The following SENP6 variants were observed in gnomAD, a reference collection of about 807,000 sequenced individuals.
SENP6 encodes the protein SUMO specific peptidase 6.
SENP6 carries 41 observed loss-of-function variants against 134.5 expected under a neutral mutation model. The ratio of observed to expected loss-of-function variants is 0.30; its 90% CI spans 0.24 to 0.40. The LOEUF (loss-of-function observed/expected upper bound fraction) is 0.40. SENP6 is among the 10% of genes least tolerant of loss of function. The pLI is 1.00. For missense variants in SENP6, 1,248 were observed against 1,312.5 expected (o/e 0.95, Z 0.76); for synonymous variants, 395 against 429.8 (o/e 0.92, Z 1.00).
chr6:75,684,884 C>G (rs1001790656), intron 16 of SENP6, among the ~76,000 whole-genome samples: 1 of 152,108 alleles, frequency 6.6e-6, no homozygotes, highest in Non-Finnish European at 1.5e-5. Context: ...GTCTCCCAGG[C>G]TTTGGTATCA....
intron 1 of SENP6, among the ~76,000 whole-genome samples, chr6:75,618,809 A>G (rs1768043790): frequency 6.6e-6 from 1 of 152,108 alleles, no homozygotes; most frequent in African/African-American, 2.4e-5. Flanking sequence ...ACAGGGAGAA[A>G]CCTTGTTTCC....
chr6:75,674,137 A>G (rs970714257), intron 11 of SENP6, among the ~76,000 whole-genome samples: 4 of 150,176 alleles, frequency 2.7e-5, no homozygotes, highest in Non-Finnish European at 5.9e-5. Flanking sequence ...AATGTTTCGC[A>G]AGCTACTCCT....
chr6:75,665,478 T>G lies in SENP6; in HGVS notation c.995-1234T>G, dbSNP rs1772130603. Among the ~76,000 whole-genome samples, 3 of 152,130 alleles carry G rather than the reference T, an allele frequency of 2.0e-5. 1 individual carries two copies. Among genetic ancestry groups the G allele is most frequent in the South Asian group, 4.1e-4 (2 of 4,822 alleles). ...TTGGATAAATAGGCAGGGGCCAGAT[T>G]ATGTAAATTTACAAACCATAGCAAG... is the stretch of plus-strand genomic sequence containing the variant. On this transcript the variant is annotated intron_variant, in intron 9 of 23. Transcript: ENST00000447266.
chr6:75,711,332 A>C lies in SENP6; in HGVS notation c.2825A>C (p.Asp942Ala). 1 of 1,611,400 alleles carries C rather than the reference A, an allele frequency of 6.2e-7. No homozygotes were observed. The highest frequency in any genetic ancestry group is 8.5e-7 in the Non-Finnish European group (1 of 1,177,988). ...DFSEDQDNQDDSSDDGFLADD... is the reference protein window; with the variant it reads ...DFSEDQDNQDASSDDGFLADD... ...ACAGTAGGCTGTCTTTTATAGGATG[A>C]TAGCAGTGACGATGGATTCCTCGCT... The change falls in exon 21 of 24, where the codon GAT becomes GCT. Residue 942 changes from aspartate to alanine, a missense_variant. Asp to Ala is a moderately radical substitution (Grantham distance 126, BLOSUM62 -2). Transcript: ENST00000447266.
chr6:75,618,307 A>G (rs902720932), intron 1 of SENP6, among the ~76,000 whole-genome samples: 7 of 124,012 alleles, frequency 5.6e-5, no homozygotes, highest in Non-Finnish European at 1.1e-4. Flanking sequence ...GGGAATGTTT[A>G]TTTTATTTAG....
intron 6 of SENP6, among the ~76,000 whole-genome samples, chr6:75,644,610 G>A (rs1770292586): frequency 6.6e-6 from 1 of 151,984 alleles, no homozygotes; most frequent in Admixed American, 6.6e-5. Flanking sequence ...TCAGCCTCCT[G>A]AGTAGCTGGG....
intron 1 of SENP6, among the ~76,000 whole-genome samples, chr6:75,618,994 T>G (rs1017190600): frequency 6.6e-6 from 1 of 150,722 alleles, no homozygotes; most frequent in Non-Finnish European, 1.5e-5. Context: ...GGATTTATGT[T>G]TGCTTGTGTT....
At chr6:75,691,143 A>ATTTTTTT (rs36048279) in intron 16 of SENP6, among the ~76,000 whole-genome samples, 2 of 141,448 alleles carry the variant, frequency 1.4e-5, no homozygotes, top group African/African-American at 5.1e-5. Flanking sequence ...CCCAGCTAAA[A>ATTTTTTT]TTTTTTTTTT....
At chr6:75,675,348 A>G in intron 11 of SENP6, 87 bp from the exon 12 acceptor site, 1 of 757,100 alleles carries the variant, frequency 1.3e-6, no homozygotes, top group Middle Eastern at 2.4e-4. Flanking sequence ...CGAGTAATAT[A>G]AGAAACATTC....
intron 4 of SENP6, among the ~76,000 whole-genome samples, chr6:75,634,486 G>C (rs1345843554): frequency 6.6e-6 from 1 of 152,028 alleles, no homozygotes; most frequent in African/African-American, 2.4e-5. Flanking sequence ...GACCTCAGGT[G>C]ATCTGCTATT....
At chr6:75,617,644 GT>G (rs1437910509) in intron 1 of SENP6, among the ~76,000 whole-genome samples, 4 of 152,132 alleles carry the variant, frequency 2.6e-5, no homozygotes, top group Non-Finnish European at 5.9e-5. Flanking sequence ...TATAGCCAGT[GT>G]ATGTTTGTCA....
intron 8 of SENP6, among the ~76,000 whole-genome samples, chr6:75,660,370 C>T (rs1198565573): frequency 1.3e-5 from 2 of 152,166 alleles, no homozygotes; most frequent in Non-Finnish European, 2.9e-5. Flanking sequence ...CTAACATGAG[C>T]TAGAAGTATT....
chr6:75,714,776 A>G (rs928678341), intron 23 of SENP6, among the ~76,000 whole-genome samples: 4 of 152,068 alleles, frequency 2.6e-5, no homozygotes, highest in Admixed American at 6.6e-5. Context: ...GCCTTGATTC[A>G]TATTTCCTAA....
chr6:75,610,323 A>G (rs906276077), intron 1 of SENP6, among the ~76,000 whole-genome samples: 1 of 152,200 alleles, frequency 6.6e-6, no homozygotes, highest in African/African-American at 2.4e-5. Context: ...CAGTTAATCC[A>G]CTAAGTCACA....
intron 2 of SENP6, chr6:75,623,007 G>T: frequency 3.8e-6 from 1 of 260,478 alleles, no homozygotes; most frequent in African/African-American, 2.2e-5. Flanking sequence ...AAGCTGCATA[G>T]AAAATATACC....
chr6:75,638,602 A>G (rs1304722624), intron 5 of SENP6, among the ~76,000 whole-genome samples: 772 of 39,776 alleles, frequency 0.019, 9 homozygotes, highest in Non-Finnish European at 0.026. Context: ...ATATATATAT[A>G]TATATATATA....
chr6:75,643,876 A>G lies in SENP6; in HGVS notation c.479+3172A>G, dbSNP rs115714280. Among the ~76,000 whole-genome samples the G allele has an allele frequency of 1.9e-3, 282 of 152,324 alleles. 1 individual carries two copies. The highest frequency in any genetic ancestry group is 6.5e-3 in the African/African-American group (272 of 41,578). On this transcript the variant is annotated intron_variant, in intron 6 of 23. Transcript: ENST00000447266. Reference sequence around the variant, plus strand: ...AAATGTATGTATTTGGCCATCTTTTATAATAATGGAAAAATTAATAAAAAG... The same window carrying G: ...AAATGTATGTATTTGGCCATCTTTTGTAATAATGGAAAAATTAATAAAAAG...
chr6:75,618,769 T>A (rs538461097), intron 1 of SENP6, among the ~76,000 whole-genome samples: 1 of 152,224 alleles, frequency 6.6e-6, no homozygotes, highest in Non-Finnish European at 1.5e-5. Flanking sequence ...CTGTCTTTCC[T>A]CTCTTGCTTA....
At chr6:75,609,392 A>G (rs940591373) in intron 1 of SENP6, among the ~76,000 whole-genome samples, 4 of 152,250 alleles carry the variant, frequency 2.6e-5, no homozygotes, top group South Asian at 4.1e-4. Flanking sequence ...TTGAGGCCCA[A>G]CTTCAGAAAT....
Sources: gnomAD v4.1 joint callset for allele counts (sites outside exome capture counted in the v4.1 genomes callset) on GRCh38, gnomAD v4.1.1 for gene constraint, MANE v1.5 for transcripts, NCBI Gene and HGNC (gene_info 2026-07-23, HGNC 2026-07-21) for gene names.